The following EPHA8 variants were observed in gnomAD, a reference collection of about 807,000 sequenced individuals.
The protein encoded by EPHA8 is ephrin type-A receptor 8.
EPHA8 carries 58 observed loss-of-function variants against 103.6 expected under a neutral mutation model. The ratio of observed to expected loss-of-function variants is 0.56; its 90% CI spans 0.45 to 0.70. The LOEUF is 0.70. Ranked by LOEUF, EPHA8 falls within the 30% of genes least tolerant of loss-of-function variation. The probability of loss-of-function intolerance (pLI) is 0.00; values close to 1 mark genes in which losing one functional copy is unlikely to be tolerated. For synonymous variants in EPHA8, 559 were observed against 572.5 expected (o/e 0.98, Z 0.34); for missense variants, 1,304 against 1,395.2 (o/e 0.93, Z 1.04).
Position 22,601,728 on chromosome 1 carries a change from G to A in EPHA8, c.3005G>A (p.Arg1002His), listed in dbSNP as rs566456855. 2.2e-5 allele frequency: 35 copies of A among 1,561,276 alleles called. No individual in the cohort carries two copies. The highest frequency in any genetic ancestry group is 1.2e-4 in the East Asian group (5 of 41,454). ...CAGCTGACCAGCACCCAGGGGCCCC[G>A]CCGGCACCTCTGATGTACAGCCAGC... ...RAQLTSTQGP[R>H]RHL The change falls in exon 17 of 17, where the codon CGC becomes CAC. Residue 1002 changes from arginine to histidine, a missense_variant. Coordinates refer to ENST00000166244, the MANE Select transcript of EPHA8 (RefSeq NM_020526.5).
rs1239153126 is a variant in EPHA8, at chr1:22,579,640, T to TG, written c.823+2762dup. On this transcript the variant is annotated intron_variant, in intron 3 of 16. Coordinates refer to ENST00000166244, the MANE Select transcript of EPHA8 (RefSeq NM_020526.5). ...CCAGGCTTCTCTCCGTCGTTTTCTT[T>TG]GGTCTCATGAGTGGCTGGGCACATG... is the stretch of plus-strand genomic sequence containing the variant. 2.0e-5 allele frequency among the ~76,000 whole-genome samples: 3 copies of TG among 152,284 alleles called. No individual in the cohort carries two copies. In the East Asian group the frequency reaches 5.8e-4, roughly 29 times the overall value.
Position 22,603,373 on chromosome 1 carries a change from G to A in EPHA8, c.*1632G>A, listed in dbSNP as rs560656555. 2 of 152,310 alleles carry A rather than the reference G, an allele frequency of 1.3e-5. No individual in the cohort carries two copies. Among genetic ancestry groups the A allele is most frequent in the Non-Finnish European group, 2.9e-5 (2 of 67,962 alleles). The allele number at this position is 152,310 out of a possible 1,614,324, so 9.4% of individuals were successfully genotyped here. A position where few individuals can be genotyped will look rare whatever the true frequency, so the allele number is the denominator to read the frequency against. ...GAAACATGGTCAGAACACGATCTGG[G>A]GGGGGGATCCTGTCTTCCTCCCCAC... On this transcript the variant is annotated 3_prime_UTR_variant, in exon 17 of 17. Transcript: ENST00000166244.
intron 3 of EPHA8, among the ~76,000 whole-genome samples, chr1:22,585,972 C>T (rs556476282): frequency 1.3e-5 from 2 of 152,254 alleles, no homozygotes; most frequent in African/African-American, 4.8e-5. Context: ...GGTGTCCCCC[C>T]CCTTTCTAGT....
chr1:22,577,658 GGGCCATGACTTAGGGT>G (rs951241345), intron 3 of EPHA8, among the ~76,000 whole-genome samples: 4 of 152,128 alleles, frequency 2.6e-5, no homozygotes, highest in Non-Finnish European at 5.9e-5. Flanking sequence ...GAGAGCCCCT[GGGCCATGACTTAGGGT>G]GGCAGCTGTA....
chr1:22,570,335 T>C (rs929804681), intron 2 of EPHA8, among the ~76,000 whole-genome samples: 3 of 112,398 alleles, frequency 2.7e-5, no homozygotes, highest in Non-Finnish European at 5.3e-5. Context: ...CACACGCACA[T>C]GCACATGCGT....
chr1:22,585,059 G>T (rs548124963), intron 3 of EPHA8, among the ~76,000 whole-genome samples: 1 of 151,612 alleles, frequency 6.6e-6, no homozygotes, highest in Non-Finnish European at 1.5e-5. Context: ...GTGCGCACGC[G>T]TGTGTCTAGA....
chr1:22,569,328 G>T lies in EPHA8; in HGVS notation c.134G>T (p.Gly45Val), dbSNP rs370205666. Residue 45 changes from glycine (G) to valine (V), a missense_variant, in exon 2 of 17, where the codon GGC becomes GTC. Gly to Val is a moderately radical substitution (Grantham distance 109). Transcript: ENST00000166244. The surrounding 1 kb of genome is among the most constrained non-coding windows in gnomAD (Gnocchi z 4.5). The stretch of plus-strand genomic sequence containing the variant: ...ACGTCGACCATCCACGGGGACTGGG[G>T]CTGGCTCACGTATCCGGCTCATGGG... ...LDTSTIHGDW[G>V]WLTYPAHGWD... The T allele has an allele frequency of 1.9e-6, 3 of 1,605,742 alleles. No homozygotes were observed. The African/African-American group carries it at 4.0e-5, about 21-fold the overall frequency.
Position 22,569,738 on chromosome 1 carries a change from C to T in EPHA8, c.159+385C>T, listed in dbSNP as rs1251390808. Among the ~76,000 whole-genome samples, 2 of 152,084 alleles carry T rather than the reference C, an allele frequency of 1.3e-5. No individual in the cohort carries two copies. The highest frequency in any genetic ancestry group is 2.9e-5 in the Non-Finnish European group (2 of 68,024). On this transcript the variant is annotated intron_variant, in intron 2 of 16. Transcript: ENST00000166244. This position sits in a 1 kb window ranked among gnomAD's most constrained non-coding sequence, Gnocchi z 4.5. ...TCACCAGTCCTCCGACCTCTGGAGT[C>T]TCTGCTTGTCTGTCTCCCCAATGTG...
chr1:22,586,438 G>A (rs777586088), intron 3 of EPHA8, 42 bp from the exon 4 acceptor site: 14 of 1,602,314 alleles, frequency 8.7e-6, no homozygotes, highest in East Asian at 2.2e-5. Context: ...GCCAGCCAGG[G>A]TGGCCCTGCT....
rs763326604 is a variant in EPHA8, at chr1:22,598,918, C to T, written c.2259C>T (p.Asp753=). The change falls in exon 13 of 17, where the codon GAC becomes GAT. Residue 753 remains aspartate (D), a synonymous_variant. Transcript: ENST00000166244. The surrounding 1 kb of genome is among the most constrained non-coding windows in gnomAD (Gnocchi z 5.1). ...GVGAGMRYLS[D]LGYVHRDLAA... is the part of the protein sequence containing the mutation. ...GTGCCGGCATGCGCTACCTCTCAGA[C>T]CTGGGCTATGTCCACCGAGACCTGG... The T allele has an allele frequency of 6.2e-7, 1 of 1,610,780 alleles. No individual in the cohort carries two copies. The highest frequency in any genetic ancestry group is 8.5e-7 in the Non-Finnish European group (1 of 1,179,208).
At chr1:22,578,099 A>AGTGTGTGCATGTAGCGTCG (rs1640807379) in intron 3 of EPHA8, among the ~76,000 whole-genome samples, 1 of 7,868 alleles carries the variant, frequency 1.3e-4, no homozygotes, top group South Asian at 3.2e-3. Flanking sequence ...ATGTAGCGTC[A>AGTGTGTGCATGTAGCGTCG]GTGTATGCAT....
Position 22,576,567 on chromosome 1 carries a change from G to T in EPHA8, c.510G>T (p.Val170=), listed in dbSNP as rs552109233. 6.2e-7 allele frequency: 1 copy of T among 1,614,154 alleles called. No individual in the cohort carries two copies. The highest frequency in any genetic ancestry group is 2.2e-5 in the East Asian group (1 of 44,884). ...GVRRLKLNTE[V]RSVGPLSKRG... ...GGCGTCTCAAGCTCAACACGGAGGT[G>T]CGCAGTGTGGGTCCCCTCAGCAAGC... Residue 170 remains valine (V), a synonymous_variant, in exon 3 of 17, where the codon GTG becomes GTT. Transcript: ENST00000166244. The surrounding 1 kb of genome is among the most constrained non-coding windows in gnomAD (Gnocchi z 4.8).
rs192494747 is a variant in EPHA8 at position 22,588,470 on chromosome 1, G to A, written c.980-401G>A. On this transcript the variant is annotated intron_variant, in intron 4 of 16. Transcript: ENST00000166244. ...CTCAGTGGCATTTTGTATCGGATCC[G>A]GCACAGAAGGGTCAAGGAATAGATG... is the stretch of plus-strand genomic sequence containing the variant. Among the ~76,000 whole-genome samples the A allele has an allele frequency of 1.1e-4, 17 of 152,304 alleles. No individual in the cohort carries two copies. The East Asian group carries it at 2.9e-3, about 26-fold the overall frequency.
At chr1:22,564,480 C>T (rs1412785474) in intron 1 of EPHA8, among the ~76,000 whole-genome samples, 1 of 151,520 alleles carries the variant, frequency 6.6e-6, no homozygotes, top group Non-Finnish European at 1.5e-5. Flanking sequence ...AGGCAGGCCC[C>T]GGAGAGCAAA....
In EPHA8 at chr1:22,600,765, G is replaced by A; in HGVS notation, c.2493G>A (p.Val831=). The part of the protein sequence containing the change: ...VWSFGVVMWE[V]LAYGERPYWN... ...GCTTCGGCGTGGTCATGTGGGAGGT[G>A]CTGGCCTATGGGGAGCGGCCCTACT... The change falls in exon 14 of 17, where the codon GTG becomes GTA. Residue 831 remains valine, a synonymous_variant. Coordinates refer to ENST00000166244, the MANE Select transcript of EPHA8 (RefSeq NM_020526.5). 4 of 1,612,340 alleles carry A rather than the reference G, an allele frequency of 2.5e-6. No homozygotes were observed. Among genetic ancestry groups the A allele is most frequent in the Non-Finnish European group, 3.4e-6 (4 of 1,179,230 alleles).
intron 3 of EPHA8, among the ~76,000 whole-genome samples, chr1:22,580,042 A>G (rs1245921626): frequency 6.6e-6 from 1 of 151,406 alleles, no homozygotes; most frequent in Non-Finnish European, 1.5e-5. Flanking sequence ...CGTCTTGCCC[A>G]GAGATCTCTG....
At chr1:22,582,027 T>C (rs551068988) in intron 3 of EPHA8, among the ~76,000 whole-genome samples, 1 of 152,308 alleles carries the variant, frequency 6.6e-6, no homozygotes, top group Admixed American at 6.5e-5. Flanking sequence ...CCTTGACCTC[T>C]TTGGAGCTGC....
rs1641777708 is a variant in EPHA8, at chr1:22,602,859, C to T, written c.*1118C>T. 1 of 152,482 alleles carries T rather than the reference C, an allele frequency of 6.6e-6. No homozygotes were observed. The highest frequency in any genetic ancestry group is 2.1e-4 in the South Asian group (1 of 4,832). 9.4% of individuals were successfully genotyped at this position (152,482 alleles called of 1,614,324 possible). A position where few individuals can be genotyped will look rare whatever the true frequency, so the allele number is the denominator to read the frequency against. The stretch of plus-strand genomic sequence containing the variant: ...GTGTCAGAGTCGGGGCTCCGGCCTC[C>T]TGCCAAGGCTCTTGTCCCCATACAC... On this transcript the variant is annotated 3_prime_UTR_variant, in exon 17 of 17. Coordinates refer to ENST00000166244, the MANE Select transcript of EPHA8 (RefSeq NM_020526.5).
Position 22,598,264 on chromosome 1 carries a change from C to A in EPHA8, c.2178+52C>A. The A allele has an allele frequency of 6.3e-7, 1 of 1,575,240 alleles. No homozygotes were observed. On this transcript the variant is annotated intron_variant, in intron 12 of 16. Transcript: ENST00000166244. This position sits in a 1 kb window ranked among gnomAD's most constrained non-coding sequence, Gnocchi z 5.1. ...ATGGGCTTGGGGAGGGAGGTCCAGT[C>A]TGGGTGCTGGGAGATAGTGCAAAGC...
Sources: gnomAD v4.1 joint callset for allele counts (sites outside exome capture counted in the v4.1 genomes callset) on GRCh38, gnomAD v4.1.1 for gene constraint, Gnocchi (gnomAD v3.1) non-coding constraint, MANE v1.5 for transcripts, NCBI Gene and HGNC (gene_info 2026-07-23, HGNC 2026-07-21) for gene names.